ELP4: variants seen among roughly 807,000 people sequenced by gnomAD.
The protein encoded by ELP4 is elongator complex protein 4.
Under a neutral mutation model 48.9 loss-of-function variants are expected in ELP4, and 51 were observed. The observed-to-expected ratio is 1.04, with a 90% CI of 0.83 to 1.32. The LOEUF (loss-of-function observed/expected upper bound fraction) is 1.32. Among genes scored for constraint, ELP4 ranks in the 40% most tolerant of loss-of-function variants. The pLI is 0.00. For synonymous variants in ELP4, 210 were observed against 189.2 expected (o/e 1.11, Z -0.90); for missense variants, 519 against 514.6 (o/e 1.01, Z -0.08).
At chr11:31,626,300 C>T (rs1443183759) in intron 5 of ELP4, among the ~76,000 whole-genome samples, 1 of 151,822 alleles carries the variant, frequency 6.6e-6, no homozygotes, top group African/African-American at 2.4e-5. Flanking sequence ...AGGTCACCCA[C>T]AGCTTTTACA....
Position 31,613,330 on chromosome 11 carries a change from T to C in ELP4, c.653+9423T>C, listed in dbSNP as rs1222159401. 2.0e-5 allele frequency among the ~76,000 whole-genome samples: 3 copies of C among 152,186 alleles called. No individual in the cohort carries two copies. The East Asian group carries it at 5.8e-4, about 29-fold the overall frequency. On this transcript the variant is annotated intron_variant, in intron 5 of 9. Transcript: ENST00000640961. ...TTTAGCTTCCAAAAACCTAGTGATA[T>C]GCAGTCAAATAAGCTCATGAAAGAC...
At chr11:31,696,938 T>C (rs1023367256) in intron 9 of ELP4, among the ~76,000 whole-genome samples, 9 of 151,992 alleles carry the variant, frequency 5.9e-5, no homozygotes, top group African/African-American at 2.2e-4. Flanking sequence ...GAGACACACA[T>C]AGGCTCAAAA....
intron 7 of ELP4, chr11:31,646,810 C>CA (rs1215627710): frequency 5.3e-5 from 8 of 151,348 alleles, no homozygotes; most frequent in Middle Eastern, 6.8e-3. Flanking sequence ...CATATAATCA[C>CA]AGTTTTCTAA....
chr11:31,534,337 C>T (rs1956465306), intron 2 of ELP4, among the ~76,000 whole-genome samples: 1 of 151,446 alleles, frequency 6.6e-6, no homozygotes, highest in Non-Finnish European at 1.5e-5. Context: ...GGGATAAATT[C>T]TGGCTTTCTG....
At chr11:31,520,126 C>T in intron 2 of ELP4, 35 bp downstream of exon 2, 1 of 1,579,784 alleles carries the variant, frequency 6.3e-7, no homozygotes, top group Non-Finnish European at 8.6e-7. Context: ...TCTCCTCTAT[C>T]ATTGTTTTCT....
chr11:31,779,769 T>C (rs148063866), intron 9 of ELP4: 1 of 152,292 alleles, frequency 6.6e-6, no homozygotes, highest in Non-Finnish European at 1.5e-5. Context: ...ACCGTGGAAG[T>C]TGTCACACCT....
chr11:31,535,126 G>C (rs912003305), intron 2 of ELP4, among the ~76,000 whole-genome samples: 6 of 152,078 alleles, frequency 3.9e-5, no homozygotes, highest in Non-Finnish European at 7.4e-5. Context: ...GACAAATAAT[G>C]TTAAAGAACT....
chr11:31,603,722 C>T lies in ELP4; in HGVS notation c.514-46C>T, dbSNP rs754092897. 1.9e-6 allele frequency: 3 copies of T among 1,573,504 alleles called. No individual in the cohort carries two copies. The East Asian group carries it at 6.8e-5, about 36-fold the overall frequency. On this transcript the variant is annotated intron_variant, in intron 4 of 9. Coordinates refer to ENST00000640961, the MANE Select transcript of ELP4 (RefSeq NM_019040.5). ...TGGATGTAGGACAAATAAATTATAG[C>T]TTAAAAATAATTGTTTAACAACCAC...
chr11:31,688,064 G>C (rs2134133927), intron 9 of ELP4, among the ~76,000 whole-genome samples: 1 of 152,322 alleles, frequency 6.6e-6, no homozygotes, highest in South Asian at 2.1e-4. Context: ...AAAGCTTCCT[G>C]ATGCTCTGAG....
intron 5 of ELP4, among the ~76,000 whole-genome samples, chr11:31,607,089 C>T (rs1205107844): frequency 2.0e-5 from 3 of 152,124 alleles, no homozygotes; most frequent in African/African-American, 7.2e-5. Context: ...GAATGAAAGG[C>T]CATGTGAGCA....
At chr11:31,738,802 A>G (rs1209433313) in intron 9 of ELP4, among the ~76,000 whole-genome samples, 1 of 152,202 alleles carries the variant, frequency 6.6e-6, no homozygotes, top group East Asian at 1.9e-4. Context: ...ACATTATGCT[A>G]AATAAAATAA....
chr11:31,607,567 ACCTCTTAAAGG>A (rs1379785961), intron 5 of ELP4, among the ~76,000 whole-genome samples: 1 of 152,156 alleles, frequency 6.6e-6, no homozygotes, highest in Non-Finnish European at 1.5e-5. Flanking sequence ...TGACATAATC[ACCTCTTAAAGG>A]CCTCGTCTCT....
chr11:31,665,975 A>G (rs918393809), intron 9 of ELP4, among the ~76,000 whole-genome samples: 7 of 149,232 alleles, frequency 4.7e-5, no homozygotes, highest in Non-Finnish European at 8.9e-5. Flanking sequence ...ACTTTAACAT[A>G]AAATGTTTTT....
At chr11:31,774,544 G>C (rs748216744) in intron 9 of ELP4, among the ~76,000 whole-genome samples, 3 of 152,164 alleles carry the variant, frequency 2.0e-5, no homozygotes, top group Non-Finnish European at 2.9e-5. Context: ...GAGTTCATCT[G>C]TCTTTTATAA....
chr11:31,696,421 A>G (rs1946408193), intron 9 of ELP4, among the ~76,000 whole-genome samples: 1 of 152,100 alleles, frequency 6.6e-6, no homozygotes, highest in South Asian at 2.1e-4. Flanking sequence ...TCATTTTGTT[A>G]TATACCCAGT....
chr11:31,771,728 C>A (rs1033369182), intron 9 of ELP4, among the ~76,000 whole-genome samples: 3 of 152,148 alleles, frequency 2.0e-5, no homozygotes, highest in African/African-American at 7.2e-5. Context: ...GCCTGTAATC[C>A]CAGCACTTTG....
At chr11:31,719,491 T>A (rs1946912480) in intron 9 of ELP4, 1 of 398,320 alleles carries the variant, frequency 2.5e-6, no homozygotes, top group Admixed American at 4.4e-5. Flanking sequence ...GAAGAGTCTG[T>A]GGTCTTTTCC....
intron 9 of ELP4, among the ~76,000 whole-genome samples, chr11:31,780,133 T>A (rs930852709): frequency 6.6e-6 from 1 of 152,190 alleles, no homozygotes; most frequent in African/African-American, 2.4e-5. Context: ...CCCTGTAGTT[T>A]TAAGTCTAAA....
At chr11:31,761,988 G>A (rs1381972012) in intron 9 of ELP4, 2 of 152,304 alleles carry the variant, frequency 1.3e-5, no homozygotes, top group Non-Finnish European at 1.5e-5. Context: ...CTCAGAAAGG[G>A]TCAGAAACCT....
Sources: allele counts gnomAD v4.1 joint callset (sites outside exome capture counted in the v4.1 genomes callset), GRCh38; gene constraint gnomAD v4.1.1; transcripts MANE v1.5; gene names NCBI Gene and HGNC (gene_info 2026-07-23, HGNC 2026-07-21).